ALG8: variants seen among roughly 807,000 people sequenced by gnomAD.
The protein encoded by ALG8 is ALG8 alpha-1,3-glucosyltransferase.
ALG8 carries 48 observed loss-of-function variants against 70.2 expected under a neutral mutation model. The observed-to-expected ratio is 0.68, with a 90% CI of 0.54 to 0.87. The LOEUF (loss-of-function observed/expected upper bound fraction) is 0.87, where lower values mean the gene tolerates loss of function less well. ALG8 is among the 40% of genes least tolerant of loss of function. ALG8 has a pLI of 0.00. For synonymous variants in ALG8, 234 were observed against 229.0 expected (o/e 1.02, Z -0.20); for missense variants, 572 against 608.7 (o/e 0.94, Z 0.64).
Position 78,121,047 on chromosome 11 carries a change from A to G in ALG8, c.478+18T>C. Reference sequence around the variant, plus strand: ...ATCAGAATTAGTAAGGGAATAGTACATAGAATATCAAGGATACGGTCCACA... The same window carrying G: ...ATCAGAATTAGTAAGGGAATAGTACGTAGAATATCAAGGATACGGTCCACA... On this transcript the variant is annotated intron_variant, in intron 4 of 12. Coordinates refer to ENST00000299626, the MANE Select transcript of ALG8 (RefSeq NM_024079.5). 1 of 1,566,122 alleles carries G rather than the reference A, an allele frequency of 6.4e-7. No individual in the cohort carries two copies. The highest frequency in any genetic ancestry group is 8.8e-7 in the Non-Finnish European group (1 of 1,136,702).
intron 10 of ALG8, 91 bp from the exon 11 acceptor site, chr11:78,104,544 G>GC: frequency 8.5e-7 from 1 of 1,176,574 alleles, no homozygotes; most frequent in Non-Finnish European, 1.2e-6. Context: ...ATTAGAACTG[G>GC]CTGAGGCATA....
chr11:78,120,258 C>T (rs1390250076), intron 4 of ALG8, among the ~76,000 whole-genome samples: 1 of 152,096 alleles, frequency 6.6e-6, no homozygotes, highest in Non-Finnish European at 1.5e-5. Flanking sequence ...ACCTTAAAGG[C>T]CCCGCAGCTC....
At position 78,106,550 on chromosome 11, in the gene ALG8, G is replaced by A. The variant is rs375763112; in HGVS notation, c.1178+257C>T. ...CCCTCAATGATCAGATCTAAAAGCC[G>A]GCTTTCATGGTACTTAATCACTACA... On this transcript the variant is annotated intron_variant, in intron 10 of 12. Coordinates refer to ENST00000299626, the MANE Select transcript of ALG8 (RefSeq NM_024079.5). 1.1e-3 allele frequency among the ~76,000 whole-genome samples: 161 copies of A among 152,170 alleles called. 1 individual carries two copies. In the South Asian group the frequency reaches 0.032, roughly 30 times the overall value.
chr11:78,119,428 A>ATTTT (rs768598740), intron 4 of ALG8, among the ~76,000 whole-genome samples, 179 bp from the exon 5 acceptor site: 1 of 88,698 alleles, frequency 1.1e-5, no homozygotes, highest in African/African-American at 6.4e-5. Flanking sequence ...TTTTTTTTTA[A>ATTTT]TTTTTTTTTT....
rs1382962605 is a variant in ALG8, at chr11:78,124,160, T to A, written c.229A>T (p.Ile77Phe). The A allele has an allele frequency of 5.0e-6, 8 of 1,614,166 alleles. No homozygotes were observed. The highest frequency in any genetic ancestry group is 1.1e-5 in the South Asian group (1 of 91,086). The change falls in exon 3 of 13, where the codon ATC (isoleucine) becomes TTC (phenylalanine). Residue 77 changes from isoleucine to phenylalanine, a missense_variant. Physicochemically the swap from Ile to Phe is conservative, Grantham distance 21 (BLOSUM62 0). Transcript: ENST00000299626. ...AAATATTTGGCAACATGTGACAGGA[T>A]ATACTCAAACCATGCAAAGAAAGGG... ...YPPFFAWFEY[I>F]LSHVAKYFDQ...
chr11:78,103,828 T>C, intron 12 of ALG8, 152 bp downstream of exon 12: 1 of 517,528 alleles, frequency 1.9e-6, no homozygotes, highest in South Asian at 2.4e-5. Flanking sequence ...AGTGATGGGA[T>C]TGAGTGATTT....
intron 4 of ALG8, among the ~76,000 whole-genome samples, chr11:78,120,169 T>C (rs1318050217): frequency 6.6e-6 from 1 of 152,060 alleles, no homozygotes; most frequent in Admixed American, 6.6e-5. Flanking sequence ...ATTTAAAATA[T>C]ATAAATTTTT....
chr11:78,128,489 C>T (rs2136935264), intron 1 of ALG8, among the ~76,000 whole-genome samples: 1 of 152,274 alleles, frequency 6.6e-6, no homozygotes, highest in East Asian at 1.9e-4. Context: ...TCATCAGGGA[C>T]ATGTTGATAT....
In ALG8 at chr11:78,106,853, A is replaced by G; in HGVS notation, c.1132T>C (p.Trp378Arg). The G allele has an allele frequency of 3.1e-6, 5 of 1,614,136 alleles. No individual in the cohort carries two copies. Among genetic ancestry groups the G allele is most frequent in the Non-Finnish European group, 4.2e-6 (5 of 1,180,016 alleles). The change falls in exon 10 of 13, where the codon TGG (tryptophan) becomes CGG (arginine). Residue 378 changes from tryptophan to arginine, a missense_variant. By Grantham distance (101) the Trp-to-Arg change is moderately radical. Coordinates refer to ENST00000299626, the MANE Select transcript of ALG8 (RefSeq NM_024079.5). Reference protein sequence around the residue: ...LCALSSFMFGWHVHEKAILLA... With the variant: ...LCALSSFMFGRHVHEKAILLA... Reference sequence around the variant, plus strand: ...AGTATGGCTTTTTCATGAACATGCCACCCAAACATAAAGGAGCTCAAGGCA... The same window carrying G: ...AGTATGGCTTTTTCATGAACATGCCGCCCAAACATAAAGGAGCTCAAGGCA...
chr11:78,103,945 A>C (rs1396314609), intron 12 of ALG8, 35 bp downstream of exon 12: 3 of 1,194,152 alleles, frequency 2.5e-6, no homozygotes, highest in Non-Finnish European at 3.7e-6. Flanking sequence ...ACATTTCACA[A>C]GAGTAAGTAT....
chr11:78,115,478 G>A (rs1395915430), intron 5 of ALG8, among the ~76,000 whole-genome samples: 1 of 151,926 alleles, frequency 6.6e-6, no homozygotes, highest in Non-Finnish European at 1.5e-5. Flanking sequence ...CACTTTCCGG[G>A]TTCAAGTAAT....
chr11:78,139,555 T>G lies in ALG8; in HGVS notation c.34A>C (p.Asn12His), dbSNP rs370933616. 6.4e-7 allele frequency: 1 copy of G among 1,561,676 alleles called. No homozygotes were observed. The highest frequency in any genetic ancestry group is 8.7e-7 in the Non-Finnish European group (1 of 1,152,446). Residue 12 changes from asparagine to histidine, a missense_variant, in exon 1 of 13, where the codon AAT becomes CAT. Physicochemically the swap from Asn to His is moderately conservative, Grantham distance 68. Transcript: ENST00000299626. The part of the protein sequence containing the change: ...AALTIATGTG[N>H]WFSALALGVT... ...CCGAGCGCCAAAGCCGAAAACCAATTGCCAGTACCCGTGGCAATTGTGAGC... is the reference window on the plus strand; with the variant it reads ...CCGAGCGCCAAAGCCGAAAACCAATGGCCAGTACCCGTGGCAATTGTGAGC...
chr11:78,111,144 A>C (rs2136895838), intron 8 of ALG8, among the ~76,000 whole-genome samples: 1 of 152,298 alleles, frequency 6.6e-6, no homozygotes, highest in South Asian at 2.1e-4. Context: ...TACTTATCAA[A>C]AACAGTAATA....
intron 1 of ALG8, among the ~76,000 whole-genome samples, chr11:78,135,714 G>A (rs757539625): frequency 1.3e-5 from 2 of 151,950 alleles, no homozygotes; most frequent in Non-Finnish European, 2.9e-5. Context: ...AGGGCATGAT[G>A]GTGTGCACCT....
chr11:78,106,696 A>G (rs1474676321), intron 10 of ALG8, 111 bp downstream of exon 10: 1 of 1,411,906 alleles, frequency 7.1e-7, no homozygotes, highest in Non-Finnish European at 9.9e-7. Flanking sequence ...GTTCCTATAC[A>G]TCTTTGTTTT....
intron 6 of ALG8, 91 bp from the exon 7 acceptor site, chr11:78,114,080 C>A (rs1003406006): frequency 9.5e-6 from 13 of 1,367,436 alleles, no homozygotes; most frequent in Non-Finnish European, 1.1e-5. Flanking sequence ...AAGTATCCCA[C>A]AATAGTATAC....
chr11:78,116,030 A>G (rs796328424), intron 5 of ALG8, among the ~76,000 whole-genome samples: 2 of 152,330 alleles, frequency 1.3e-5, no homozygotes, highest in African/African-American at 4.8e-5. Flanking sequence ...TGATACAAAC[A>G]CTACTTAGGA....
At chr11:78,112,598 C>T (rs201425952) in intron 8 of ALG8, 52 bp downstream of exon 8, 1 of 1,608,054 alleles carries the variant, frequency 6.2e-7, no homozygotes, top group Non-Finnish European at 8.5e-7. Flanking sequence ...TCTCCATGTG[C>T]CTAAGTCCTT....
intron 1 of ALG8, among the ~76,000 whole-genome samples, chr11:78,128,743 T>C (rs113778950): frequency 0.22 from 32,973 of 151,584 alleles, 4,435 homozygotes; most frequent in African/African-American, 0.38. Flanking sequence ...CCCAAGTAGC[T>C]GGGACTACAG....
Sources: allele counts gnomAD v4.1 joint callset (sites outside exome capture counted in the v4.1 genomes callset), GRCh38; gene constraint gnomAD v4.1.1; transcripts MANE v1.5; gene names NCBI Gene and HGNC (gene_info 2026-07-23, HGNC 2026-07-21).